The following SPAG9 variants were observed in gnomAD, a reference collection of about 807,000 sequenced individuals.
SPAG9 encodes C-Jun-amino-terminal kinase-interacting protein 4.
Under a neutral mutation model 166.5 loss-of-function variants are expected in SPAG9, and 35 were observed. That is an observed-to-expected ratio of 0.21 (90% CI 0.16 to 0.28). The LOEUF is 0.28. Among genes scored for constraint, SPAG9 ranks in the 10% least tolerant of loss-of-function variants. The pLI is 1.00. For missense variants in SPAG9, 1,235 were observed against 1,603.3 expected (o/e 0.77, Z 3.92); for synonymous variants, 534 against 565.5 (o/e 0.94, Z 0.79).
intron 1 of SPAG9, among the ~76,000 whole-genome samples, chr17:51,104,122 T>C (rs780991027): frequency 4.6e-5 from 7 of 152,130 alleles, no homozygotes; most frequent in Non-Finnish European, 7.4e-5. Flanking sequence ...TTCATGAAGA[T>C]AGGGAAGAAA....
In SPAG9 at chr17:51,095,956, GTGATATATATATATAGTGATAT is replaced by G. The variant is rs1568083740; in HGVS notation, c.304-16274_304-16253del. Among the ~76,000 whole-genome samples, 15 of 96,626 alleles carry G rather than the reference GTGATATATATATATAGTGATAT, an allele frequency of 1.6e-4. 1 individual carries two copies. The highest frequency in any genetic ancestry group is 1.1e-3 in the African/African-American group (15 of 14,264). The allele number at this position is 96,626 out of a possible 152,430, so 63.4% of individuals were successfully genotyped here. On this transcript the variant is annotated intron_variant, in intron 1 of 29. Coordinates refer to ENST00000262013, the MANE Select transcript of SPAG9 (RefSeq NM_001130528.3). ...ATATAGTGATATAGTTATATATATA[GTGATATATATATATAGTGATAT>G]ATATATATATAGTGATATATATATA...
intron 9 of SPAG9, among the ~76,000 whole-genome samples, chr17:51,010,394 A>G (rs1037898389): frequency 2.0e-5 from 3 of 152,040 alleles, no homozygotes; most frequent in Non-Finnish European, 2.9e-5. Context: ...TCTCAGCCAC[A>G]TTGAGCTTAT....
At chr17:51,103,388 G>C (rs938588284) in intron 1 of SPAG9, among the ~76,000 whole-genome samples, 22 of 152,194 alleles carry the variant, frequency 1.4e-4, no homozygotes, top group African/African-American at 5.3e-4. Flanking sequence ...CCACAGTCGG[G>C]TGTTAAGGCT....
chr17:51,008,815 C>T (rs1047473286), intron 9 of SPAG9, among the ~76,000 whole-genome samples: 8 of 152,178 alleles, frequency 5.3e-5, no homozygotes, highest in African/African-American at 1.9e-4. Flanking sequence ...AAATGATCTT[C>T]GGCAAGATAT....
intron 2 of SPAG9, among the ~76,000 whole-genome samples, chr17:51,066,200 G>A (rs1338245416): frequency 6.6e-6 from 1 of 151,572 alleles, no homozygotes; most frequent in Non-Finnish European, 1.5e-5. Context: ...TGACTTCCTG[G>A]GCTCAAGCAA....
At chr17:50,975,656 A>G (rs1020810428) in intron 27 of SPAG9, among the ~76,000 whole-genome samples, 4 of 152,186 alleles carry the variant, frequency 2.6e-5, no homozygotes, top group Admixed American at 2.0e-4. Flanking sequence ...AGCTGCAACA[A>G]AAGATGATAA....
chr17:51,049,510 T>G (rs930178461), intron 3 of SPAG9, among the ~76,000 whole-genome samples: 1 of 151,952 alleles, frequency 6.6e-6, no homozygotes, highest in South Asian at 2.1e-4. Flanking sequence ...ACCCTGTCTC[T>G]ACAAAAAAAT....
intron 1 of SPAG9, 48 bp from the exon 2 acceptor site, chr17:51,079,752 C>T (rs1286386351): frequency 3.2e-6 from 4 of 1,248,502 alleles, no homozygotes; most frequent in Non-Finnish European, 4.6e-6. Flanking sequence ...TTAAACTTTA[C>T]ATTTTCAACT....
At chr17:51,073,754 A>G (rs2047889466) in intron 2 of SPAG9, among the ~76,000 whole-genome samples, 1 of 152,234 alleles carries the variant, frequency 6.6e-6, no homozygotes, top group Non-Finnish European at 1.5e-5. Flanking sequence ...ATTCACTAGA[A>G]AAGAGAAAAA....
chr17:51,090,372 T>C (rs369879750), intron 1 of SPAG9, among the ~76,000 whole-genome samples: 62 of 152,006 alleles, frequency 4.1e-4, no homozygotes, highest in African/African-American at 1.5e-3. Context: ...AATACAAAAA[T>C]TAGCCAGGTG....
chr17:50,988,415 C>A (rs1294487798), intron 21 of SPAG9, among the ~76,000 whole-genome samples: 1 of 152,090 alleles, frequency 6.6e-6, no homozygotes, highest in African/African-American at 2.4e-5. Flanking sequence ...GAATATTAAA[C>A]TTTAAAAAGG....
At chr17:51,112,044 A>T (rs1449522560) in intron 1 of SPAG9, among the ~76,000 whole-genome samples, 1 of 87,312 alleles carries the variant, frequency 1.1e-5, no homozygotes, top group Non-Finnish European at 3.0e-5. Context: ...TTTGTCTTTA[A>T]AAAAAAATGT....
At chr17:51,109,225 ATTTCTT>A (rs1282133038) in intron 1 of SPAG9, among the ~76,000 whole-genome samples, 9 of 151,306 alleles carry the variant, frequency 5.9e-5, no homozygotes, top group East Asian at 3.9e-4. Context: ...TCACATTTAA[ATTTCTT>A]TTTCTTTTTC....
intron 1 of SPAG9, among the ~76,000 whole-genome samples, chr17:51,091,431 G>A (rs1226150064): frequency 6.6e-6 from 1 of 152,104 alleles, no homozygotes; most frequent in African/African-American, 2.4e-5. Context: ...ATAGGGTTAG[G>A]CCAACAGCAA....
intron 1 of SPAG9, among the ~76,000 whole-genome samples, chr17:51,105,743 G>A (rs561042987): frequency 2.0e-5 from 3 of 151,850 alleles, no homozygotes; most frequent in African/African-American, 4.8e-5. Flanking sequence ...GGTGGCGGGC[G>A]CCTGTAGTCC....
chr17:51,090,570 T>G (rs1029563264), intron 1 of SPAG9, among the ~76,000 whole-genome samples: 1 of 152,186 alleles, frequency 6.6e-6, no homozygotes, highest in Non-Finnish European at 1.5e-5. Context: ...GTTTTAAATA[T>G]TCCAAGGTAC....
At chr17:50,976,095 T>C (rs536164374) in intron 27 of SPAG9, among the ~76,000 whole-genome samples, 1 of 151,868 alleles carries the variant, frequency 6.6e-6, no homozygotes, top group Admixed American at 6.5e-5. Flanking sequence ...TATTAGAATC[T>C]CTGCTGAAAA....
At chr17:51,086,078 C>T (rs1273620583) in intron 1 of SPAG9, among the ~76,000 whole-genome samples, 8 of 148,288 alleles carry the variant, frequency 5.4e-5, no homozygotes, top group African/African-American at 2.0e-4. Flanking sequence ...AAGCAGTTCT[C>T]GTGCTTCAGC....
intron 29 of SPAG9, 96 bp downstream of exon 29, chr17:50,970,611 T>G: frequency 9.6e-7 from 1 of 1,045,112 alleles, no homozygotes; most frequent in Non-Finnish European, 1.4e-6. Flanking sequence ...GAGAACCTCT[T>G]ATAAATCATT....
Sources: allele counts gnomAD v4.1 joint callset (sites outside exome capture counted in the v4.1 genomes callset), GRCh38; gene constraint gnomAD v4.1.1; transcripts MANE v1.5; gene names NCBI Gene and HGNC (gene_info 2026-07-23, HGNC 2026-07-21).